PRDM11: variants seen among roughly 807,000 people sequenced by gnomAD.
PRDM11 encodes the protein PR/SET domain 11, also known as PR domain-containing protein 11.
In PRDM11, 20 loss-of-function variants were observed where a neutral mutation model predicts 97.8. The ratio of observed to expected loss-of-function variants is 0.20; its 90% CI spans 0.14 to 0.30. PRDM11 has a LOEUF of 0.30. PRDM11 is among the 10% of genes least tolerant of loss of function. The pLI is 1.00. For missense variants in PRDM11, 1,139 were observed against 1,555.2 expected, an observed-to-expected ratio of 0.73 and a Z score of 4.50; for synonymous variants, 599 against 637.7, an observed-to-expected ratio of 0.94 and a Z score of 0.91.
At chr11:45,178,947 G>A (rs999899556) in intron 1 of PRDM11, among the ~76,000 whole-genome samples, 8 of 152,172 alleles carry the variant, frequency 5.3e-5, no homozygotes, top group African/African-American at 1.9e-4. Flanking sequence ...AACAAAAGAC[G>A]GTTATACATG....
At chr11:45,138,224 A>G (rs187662797) in intron 1 of PRDM11, among the ~76,000 whole-genome samples, 11 of 152,348 alleles carry the variant, frequency 7.2e-5, no homozygotes, top group Admixed American at 1.3e-4. Flanking sequence ...AGAGAACAGA[A>G]GGAAAAAAAG....
At chr11:45,162,107 C>T (rs1361952822) in intron 1 of PRDM11, among the ~76,000 whole-genome samples, 4 of 152,212 alleles carry the variant, frequency 2.6e-5, no homozygotes, top group Admixed American at 2.0e-4. Flanking sequence ...TCCTAAGAGG[C>T]GAGAAGCACC....
At chr11:45,204,814 C>T in intron 5 of PRDM11, 36 bp downstream of exon 5, 1 of 1,574,956 alleles carries the variant, frequency 6.3e-7, no homozygotes, top group Non-Finnish European at 8.7e-7. Context: ...GGGGGTCTTG[C>T]CTGGCCTCTG....
intron 1 of PRDM11, among the ~76,000 whole-genome samples, chr11:45,122,424 T>C (rs1852456578): frequency 6.6e-6 from 1 of 151,848 alleles, no homozygotes. Flanking sequence ...TATGCCATGT[T>C]GGTGTACTGC....
intron 1 of PRDM11, among the ~76,000 whole-genome samples, chr11:45,099,672 G>A (rs1226881685): frequency 1.3e-5 from 2 of 152,064 alleles, no homozygotes; most frequent in Non-Finnish European, 2.9e-5. Flanking sequence ...CATGGAGAGT[G>A]GGGTATCCAT....
In PRDM11 at chr11:45,198,956, A is replaced by G. The variant is rs1395403049; in HGVS notation, c.487-5755A>G. Among the ~76,000 whole-genome samples the G allele has an allele frequency of 3.3e-5, 5 of 152,146 alleles. No homozygotes were observed. In the East Asian group the frequency reaches 9.6e-4, roughly 29 times the overall value. On this transcript the variant is annotated intron_variant, in intron 4 of 7. Transcript: ENST00000683152. ...AACAGCCCTCAGCCTCAGTTTTCCA[A>G]TCTGTAAAAGGAGGATAATCATAGT...
At chr11:45,140,108 A>G (rs1466310037) in intron 1 of PRDM11, among the ~76,000 whole-genome samples, 2 of 152,226 alleles carry the variant, frequency 1.3e-5, no homozygotes, top group African/African-American at 4.8e-5. Flanking sequence ...TTGAACACCA[A>G]AAATAGTAGG....
chr11:45,094,777 G>A (rs139805939), upstream of PRDM11, among the ~76,000 whole-genome samples: 1,511 of 136,460 alleles, frequency 0.011, 21 homozygotes, highest in Non-Finnish European at 0.016. Context: ...AGGAATAGAG[G>A]GAAGGAAGGG....
chr11:45,155,293 G>C (rs887856322), intron 1 of PRDM11, among the ~76,000 whole-genome samples: 1 of 152,228 alleles, frequency 6.6e-6, no homozygotes, highest in Non-Finnish European at 1.5e-5. Context: ...GGAGATGGCC[G>C]GCTTGGGAGG....
intron 1 of PRDM11, among the ~76,000 whole-genome samples, chr11:45,103,347 A>C (rs964570325): frequency 6.6e-6 from 1 of 152,196 alleles, no homozygotes; most frequent in Non-Finnish European, 1.5e-5. Context: ...AAGGAGGAAA[A>C]GTTGGAGGAG....
chr11:45,203,727 T>G (rs1853412734), intron 4 of PRDM11, among the ~76,000 whole-genome samples: 1 of 151,660 alleles, frequency 6.6e-6, no homozygotes, highest in African/African-American at 2.4e-5. Flanking sequence ...TTCACACCAT[T>G]CTCCTGCCTC....
At chr11:45,143,341 G>A (rs369793297), upstream of PRDM11, among the ~76,000 whole-genome samples, 10 of 152,268 alleles carry the variant, frequency 6.6e-5, 1 homozygote, top group African/African-American at 2.4e-4. Flanking sequence ...GTAGGGGGTG[G>A]AGGGAAGGCC....
chr11:45,153,867 G>T (rs1435675201), intron 1 of PRDM11, among the ~76,000 whole-genome samples: 1 of 152,190 alleles, frequency 6.6e-6, no homozygotes, highest in East Asian at 1.9e-4. Context: ...CAACAGCCCC[G>T]TGAGGTTACT....
intron 1 of PRDM11, among the ~76,000 whole-genome samples, chr11:45,149,774 C>T (rs1851615726): frequency 6.6e-6 from 1 of 152,210 alleles, no homozygotes; most frequent in African/African-American, 2.4e-5. Context: ...CTTGGTGACC[C>T]ATGATGGACA....
chr11:45,145,707 C>A (rs1851491817), upstream of PRDM11, among the ~76,000 whole-genome samples: 1 of 152,198 alleles, frequency 6.6e-6, no homozygotes, highest in Non-Finnish European at 1.5e-5. Flanking sequence ...TAGAGGACGC[C>A]ACGAGAAAGG....
intron 4 of PRDM11, among the ~76,000 whole-genome samples, chr11:45,201,517 A>G (rs763269371): frequency 2.0e-5 from 3 of 151,066 alleles, no homozygotes; most frequent in Non-Finnish European, 4.4e-5. Context: ...TTTTAGAAAC[A>G]GGATCTTGCT....
rs542316032 is a variant in PRDM11 at position 45,192,075 on chromosome 11, G to A, written c.486+8952G>A. Among the ~76,000 whole-genome samples, 13 of 152,116 alleles carry A rather than the reference G, an allele frequency of 8.5e-5. No individual in the cohort carries two copies. In the South Asian group the frequency reaches 2.7e-3, roughly 32 times the overall value. ...CCATGTGTTCTCATTAGCCGAACTAGGTTTTGAGGGAGGGATGGATGAGTT... is the reference window on the plus strand; with the variant it reads ...CCATGTGTTCTCATTAGCCGAACTAAGTTTTGAGGGAGGGATGGATGAGTT... On this transcript the variant is annotated intron_variant, in intron 4 of 7. Transcript: ENST00000683152.
intron 6 of PRDM11, among the ~76,000 whole-genome samples, chr11:45,223,314 A>T (rs1854170304): frequency 6.6e-6 from 1 of 152,254 alleles, no homozygotes; most frequent in African/African-American, 2.4e-5. Flanking sequence ...AAAAATAAAA[A>T]TTAAAAACAA....
Position 45,219,785 on chromosome 11 carries a change from G to A in PRDM11, c.742+28G>A, listed in dbSNP as rs546324424. 5 of 1,597,796 alleles carry A rather than the reference G, an allele frequency of 3.1e-6. No individual in the cohort carries two copies. The highest frequency in any genetic ancestry group is 2.3e-5 in the East Asian group (1 of 44,196). ...GAGTGCCATGCTCCACATGAGCTGCGCCCACCTCTGAGCCCCAGGGGAGGC... is the reference window on the plus strand; with the variant it reads ...GAGTGCCATGCTCCACATGAGCTGCACCCACCTCTGAGCCCCAGGGGAGGC... On this transcript the variant is annotated intron_variant, in intron 6 of 7. Coordinates refer to ENST00000683152, the MANE Select transcript of PRDM11 (RefSeq NM_001384648.1). The surrounding 1 kb of genome is among the most constrained non-coding windows in gnomAD (Gnocchi z 4.2).
Sources: allele counts gnomAD v4.1 joint callset (sites outside exome capture counted in the v4.1 genomes callset), GRCh38; gene constraint gnomAD v4.1.1; non-coding constraint Gnocchi (gnomAD v3.1); transcripts MANE v1.5; gene names NCBI Gene and HGNC (gene_info 2026-07-23, HGNC 2026-07-21).